KIF15: variants seen among roughly 807,000 people sequenced by gnomAD.
The protein encoded by KIF15 is kinesin family member 15.
A neutral mutation model predicts 190.6 loss-of-function variants in KIF15; 140 were observed. The observed-to-expected ratio is 0.73, with a 90% CI of 0.64 to 0.84. The LOEUF (loss-of-function observed/expected upper bound fraction) is 0.84. KIF15 is among the 40% of genes least tolerant of loss of function. KIF15 has a pLI of 0.00. For synonymous variants in KIF15, 528 were observed against 551.3 expected, an observed-to-expected ratio of 0.96 and a Z score of 0.59; for missense variants, 1,372 against 1,584.4, an observed-to-expected ratio of 0.87 and a Z score of 2.28.
intron 32 of KIF15, among the ~76,000 whole-genome samples, chr3:44,849,774 A>C (rs921534470): frequency 6.6e-6 from 1 of 152,158 alleles, no homozygotes; most frequent in Non-Finnish European, 1.5e-5. Context: ...ATTTGTAAAA[A>C]TTTATTTTAA....
chr3:44,857,312 T>C (rs187861739), downstream of KIF15, among the ~76,000 whole-genome samples: 13 of 152,294 alleles, frequency 8.5e-5, no homozygotes, highest in Admixed American at 7.8e-4. Flanking sequence ...TTGGAAATTA[T>C]GAGAACTGTA....
intron 30 of KIF15, 93 bp downstream of exon 30, chr3:44,843,327 G>T: frequency 1.3e-6 from 1 of 759,422 alleles, no homozygotes; most frequent in Admixed American, 2.7e-5. Flanking sequence ...GGTTTCCCAA[G>T]GTGTACAATG....
chr3:44,855,582 A>G (rs1699179941), downstream of KIF15, among the ~76,000 whole-genome samples: 1 of 152,166 alleles, frequency 6.6e-6, no homozygotes, highest in Non-Finnish European at 1.5e-5. Context: ...ATAATGGGCA[A>G]TGTTTCTCAG....
rs1333931526 is a variant in KIF15, at chr3:44,867,227, C to A, written c.*60-6102C>A. Among the ~76,000 whole-genome samples the A allele has an allele frequency of 2.6e-5, 4 of 152,190 alleles. No homozygotes were observed. The East Asian group carries it at 7.7e-4, about 29-fold the overall frequency. Reference sequence around the variant, plus strand: ...CTCTGTCCTGCTTCCCACACCAACACCTGAAAACTCAGAGAGGCCCTGCAG... The same window carrying A: ...CTCTGTCCTGCTTCCCACACCAACAACTGAAAACTCAGAGAGGCCCTGCAG... On this transcript the variant is annotated intron_variant and NMD_transcript_variant, in intron 6 of 6. Coordinates refer to the KIF15 transcript ENST00000422209.
intron 20 of KIF15, among the ~76,000 whole-genome samples, chr3:44,820,326 C>CT (rs368050877): frequency 0.064 from 8,121 of 127,138 alleles, 238 homozygotes; most frequent in Middle Eastern, 0.094. Context: ...GATGCAGTTT[C>CT]TTTTTTTTTT....
chr3:44,867,631 A>C (rs1045391767), intron 6 of KIF15, among the ~76,000 whole-genome samples: 10 of 152,232 alleles, frequency 6.6e-5, no homozygotes, highest in Non-Finnish European at 1.2e-4. Flanking sequence ...CACTCAATTC[A>C]ACAAATATGC....
chr3:44,852,956 G>A lies in KIF15; in HGVS notation c.*221G>A, dbSNP rs1025613726. 6 of 370,516 alleles carry A rather than the reference G, an allele frequency of 1.6e-5. No homozygotes were observed. Among genetic ancestry groups the A allele is most frequent in the Non-Finnish European group, 2.9e-5 (6 of 210,324 alleles). The allele number at this position is 370,516 out of a possible 1,614,324, so 23.0% of individuals were successfully genotyped here. A position where few individuals can be genotyped will look rare whatever the true frequency, so the allele number is the denominator to read the frequency against. On this transcript the variant is annotated 3_prime_UTR_variant, in exon 35 of 35. Transcript: ENST00000326047. ...CTGCTATTAAGTGGCCTACTTCAAGGCTTTGAATCAACTTAAGGGAAAACC... is the reference window on the plus strand; with the variant it reads ...CTGCTATTAAGTGGCCTACTTCAAGACTTTGAATCAACTTAAGGGAAAACC...
At position 44,839,186 on chromosome 3, in the gene KIF15, C is replaced by T. The variant is rs144285944; in HGVS notation, c.3318+765C>T. Among the ~76,000 whole-genome samples, 49 of 151,924 alleles carry T rather than the reference C, an allele frequency of 3.2e-4. No individual in the cohort carries two copies. In the East Asian group the frequency reaches 7.0e-3, roughly 22 times the overall value. On this transcript the variant is annotated intron_variant, in intron 27 of 34. Coordinates refer to ENST00000326047, the MANE Select transcript of KIF15 (RefSeq NM_020242.3). ...GAGATCAAGACCATCCTGGCTTACA[C>T]GGTGAACCCCCGTCTCTACTGAAAG...
intron 28 of KIF15, among the ~76,000 whole-genome samples, 199 bp downstream of exon 28, chr3:44,840,655 A>AT (rs60621752): frequency 0.013 from 862 of 67,110 alleles, 109 homozygotes; most frequent in African/African-American, 0.019. Flanking sequence ...TAAGCAGCGG[A>AT]TTTTTTTTTT....
At chr3:44,835,644 T>C (rs1358558193) in intron 26 of KIF15, among the ~76,000 whole-genome samples, 2 of 152,174 alleles carry the variant, frequency 1.3e-5, no homozygotes, top group East Asian at 3.8e-4. Context: ...CAGAGAGATT[T>C]CTAAGCTAAA....
At chr3:44,778,465 C>T (rs1423213300) in intron 4 of KIF15, among the ~76,000 whole-genome samples, 9 of 152,246 alleles carry the variant, frequency 5.9e-5, no homozygotes, top group Admixed American at 6.5e-5. Context: ...AGCTTACAGC[C>T]CTGTTTATCT....
intron 20 of KIF15, among the ~76,000 whole-genome samples, chr3:44,819,521 G>A (rs1430796255): frequency 6.6e-6 from 1 of 152,156 alleles, no homozygotes; most frequent in African/African-American, 2.4e-5. Flanking sequence ...TCATTCAGGA[G>A]CAAGTTGTTC....
intron 24 of KIF15, among the ~76,000 whole-genome samples, chr3:44,829,288 C>G (rs1172021638): frequency 6.7e-6 from 1 of 149,270 alleles, no homozygotes; most frequent in Non-Finnish European, 1.5e-5. Context: ...ACCCGGGAGG[C>G]GGAGCTTGCA....
intron 20 of KIF15, among the ~76,000 whole-genome samples, chr3:44,817,199 A>G: frequency 6.6e-6 from 1 of 151,536 alleles, no homozygotes; most frequent in Non-Finnish European, 1.5e-5. Context: ...TTGCCTGTTC[A>G]CTCTGATGGT....
chr3:44,818,822 C>G (rs1209048181), intron 20 of KIF15, among the ~76,000 whole-genome samples: 1 of 152,150 alleles, frequency 6.6e-6, no homozygotes, highest in Non-Finnish European at 1.5e-5. Context: ...GGGATGGTAC[C>G]AGCTCCTCTT....
chr3:44,800,181 C>T lies in KIF15; in HGVS notation c.1099-133C>T, dbSNP rs1164389266. On this transcript the variant is annotated intron_variant, in intron 10 of 34. Coordinates refer to ENST00000326047, the MANE Select transcript of KIF15 (RefSeq NM_020242.3). Reference sequence around the variant, plus strand: ...CTTGAGCACACTGTGATTCCTGTGTCCTTTTGACTATGATGTGGTCTTGAA... The same window carrying T: ...CTTGAGCACACTGTGATTCCTGTGTTCTTTTGACTATGATGTGGTCTTGAA... 4 of 756,052 alleles carry T rather than the reference C, an allele frequency of 5.3e-6. No individual in the cohort carries two copies. In the African/African-American group the frequency reaches 5.4e-5, roughly 10 times the overall value. The allele number at this position is 756,052 out of a possible 1,614,324, so 46.8% of individuals were successfully genotyped here. A position where few individuals can be genotyped will look rare whatever the true frequency, so the allele number is the denominator to read the frequency against.
intron 6 of KIF15, chr3:44,861,861 TC>T (rs1699252608): frequency 6.8e-7 from 1 of 1,466,098 alleles, no homozygotes; most frequent in African/African-American, 1.5e-5. Flanking sequence ...GAGGCTGCCA[TC>T]CAATCGCGGC....
chr3:44,826,945 T>C (rs1697691951), intron 22 of KIF15: 1 of 448,394 alleles, frequency 2.2e-6, no homozygotes, highest in Admixed American at 2.4e-5. Context: ...AGAATTTGTT[T>C]ATTCAGTAGG....
chr3:44,799,327 G>C (rs1206399331), intron 10 of KIF15: 2 of 456,594 alleles, frequency 4.4e-6, no homozygotes, highest in Admixed American at 2.3e-5. Flanking sequence ...GAAAGTGCCA[G>C]AGTATCTGGG....
Sources: allele counts gnomAD v4.1 joint callset (sites outside exome capture counted in the v4.1 genomes callset), GRCh38; gene constraint gnomAD v4.1.1; transcripts MANE v1.5; gene names NCBI Gene and HGNC (gene_info 2026-07-23, HGNC 2026-07-21).